ERICH1: variants seen among roughly 807,000 people sequenced by gnomAD.
ERICH1 encodes glutamate rich 1, also known as glutamate-rich protein 1.
A neutral mutation model predicts 39.6 loss-of-function variants in ERICH1; 56 were observed. The observed-to-expected ratio is 1.41, with a 90% CI of 1.14 to 1.77. ERICH1 has a LOEUF of 1.77. Among genes scored for constraint, ERICH1 ranks in the 40% most tolerant of loss-of-function variants. The pLI, the probability that ERICH1 is intolerant of heterozygous loss-of-function variation, is 0.00. For missense variants in ERICH1, 826 were observed against 575.4 expected (o/e 1.44, Z -4.45); for synonymous variants, 313 against 223.6 (o/e 1.40, Z -3.57).
intron 3 of ERICH1, among the ~76,000 whole-genome samples, chr8:636,471 C>A (rs562142306): frequency 1.3e-5 from 2 of 152,360 alleles, no homozygotes; most frequent in South Asian, 2.1e-4. Context: ...CCTTCCTCTC[C>A]CGACTTTAGC....
rs1031389223 is a variant in ERICH1 at position 715,553 on chromosome 8, G to A, written c.169+308C>T. 2.6e-5 allele frequency among the ~76,000 whole-genome samples: 4 copies of A among 152,232 alleles called. No homozygotes were observed. In the South Asian group the frequency reaches 6.2e-4, roughly 24 times the overall value. On this transcript the variant is annotated intron_variant, in intron 2 of 5. Coordinates refer to ENST00000262109, the MANE Select transcript of ERICH1 (RefSeq NM_207332.3). Reference sequence around the variant, plus strand: ...GGGCATGGTGTATGGTGGGGAAGGCGCCTGTCTTCCTCAGAGGACAGGAAG... The same window carrying A: ...GGGCATGGTGTATGGTGGGGAAGGCACCTGTCTTCCTCAGAGGACAGGAAG...
intron 3 of ERICH1, among the ~76,000 whole-genome samples, chr8:630,829 C>G (rs1797971342): frequency 6.7e-6 from 1 of 149,012 alleles, no homozygotes; most frequent in Non-Finnish European, 1.5e-5. Context: ...AGAGCTGACA[C>G]ACACCCTCCC....
chr8:727,084 C>G (rs575289267), intron 1 of ERICH1, among the ~76,000 whole-genome samples: 1 of 151,672 alleles, frequency 6.6e-6, no homozygotes, highest in African/African-American at 2.4e-5. Flanking sequence ...CATACACACA[C>G]GCACACCACA....
chr8:624,429 A>G (rs1285084006), intron 3 of ERICH1, among the ~76,000 whole-genome samples: 1 of 152,264 alleles, frequency 6.6e-6, no homozygotes, highest in Non-Finnish European at 1.5e-5. Context: ...ACCCAAGAGA[A>G]ACAAAAACAC....
At chr8:694,207 G>C (rs1461231127) in intron 2 of ERICH1, among the ~76,000 whole-genome samples, 3 of 152,160 alleles carry the variant, frequency 2.0e-5, no homozygotes, top group African/African-American at 7.2e-5. Flanking sequence ...TCTCTCGAGG[G>C]TAGGGTGCCG....
downstream of ERICH1, among the ~76,000 whole-genome samples, chr8:660,594 G>A (rs1030981331): frequency 7.2e-5 from 11 of 152,248 alleles, no homozygotes; most frequent in South Asian, 4.1e-4. Flanking sequence ...ACTGCGAGGC[G>A]GCAAATGGTG....
intron 3 of ERICH1, among the ~76,000 whole-genome samples, chr8:655,017 G>T (rs537576625): frequency 6.6e-6 from 1 of 152,200 alleles, no homozygotes; most frequent in Non-Finnish European, 1.5e-5. Context: ...ATTATCTTTA[G>T]TAACAAATTC....
intron 2 of ERICH1, among the ~76,000 whole-genome samples, chr8:707,175 C>T (rs1216568335): frequency 6.6e-6 from 1 of 151,390 alleles, no homozygotes; most frequent in Non-Finnish European, 1.5e-5. Flanking sequence ...AGAAATAAAC[C>T]CCACATCTGT....
Position 621,224 on chromosome 8 carries a change from G to T in ERICH1, c.977-5940C>A, listed in dbSNP as rs185645162. 3.2e-4 allele frequency among the ~76,000 whole-genome samples: 49 copies of T among 152,150 alleles called. No individual in the cohort carries two copies. The East Asian group carries it at 8.7e-3, about 27-fold the overall frequency. On this transcript the variant is annotated intron_variant, in intron 3 of 3. Transcript: ENST00000522706. ...AATTAGAAAAAAACTTGAGAAGGAT[G>T]AAAATAAAAGCACATCATGCCAATA...
At chr8:724,373 T>C (rs1180744546) in intron 1 of ERICH1, among the ~76,000 whole-genome samples, 2 of 152,212 alleles carry the variant, frequency 1.3e-5, no homozygotes, top group East Asian at 1.9e-4. Flanking sequence ...TTTCTCCTTG[T>C]AGTTTTTTAA....
At chr8:637,455 T>G (rs1226462826) in intron 3 of ERICH1, 3 of 152,286 alleles carry the variant, frequency 2.0e-5, no homozygotes, top group Non-Finnish European at 2.9e-5. Flanking sequence ...AGCTCGCCAC[T>G]CCTGGGGTGG....
intron 3 of ERICH1, among the ~76,000 whole-genome samples, chr8:627,562 TGGCCAG>T (rs1797663141): frequency 6.6e-6 from 1 of 152,166 alleles, no homozygotes; most frequent in Non-Finnish European, 1.5e-5. Flanking sequence ...CAGAACCATG[TGGCCAG>T]GGGGTAAGAA....
At chr8:725,162 TCTGCTGTCCCCTCCGGCTTCCGTGC>T (rs1213332751) in intron 1 of ERICH1, 53 of 187,688 alleles carry the variant, frequency 2.8e-4, no homozygotes, top group South Asian at 3.8e-4. Context: ...CGGCTTCCTG[TCTGCTGTCCCCTCCGGCTTCCGTGC>T]CTGCTGTCCC....
chr8:684,428 G>A (rs1053067991), intron 3 of ERICH1, among the ~76,000 whole-genome samples: 1 of 149,884 alleles, frequency 6.7e-6, no homozygotes, highest in Non-Finnish European at 1.5e-5. Context: ...GTTAAAATGA[G>A]GTTATATTTG....
At chr8:690,031 G>A (rs1221053328) in intron 3 of ERICH1, among the ~76,000 whole-genome samples, 1 of 152,184 alleles carries the variant, frequency 6.6e-6, no homozygotes, top group Non-Finnish European at 1.5e-5. Flanking sequence ...GGGTTGTTCT[G>A]TCACTAACAG....
chr8:626,665 C>T (rs566144960), intron 3 of ERICH1: 11 of 160,624 alleles, frequency 6.8e-5, no homozygotes, highest in South Asian at 1.8e-4. Context: ...CTGTGGCTGA[C>T]GGCCTGCCCA....
intron 5 of ERICH1, chr8:667,466 G>A (rs1212218741): frequency 6.5e-6 from 1 of 152,864 alleles, no homozygotes; most frequent in Non-Finnish European, 1.5e-5. Context: ...GCAGCTCTAT[G>A]ACGCATCTCA....
At chr8:688,488 T>G (rs940566480) in intron 3 of ERICH1, among the ~76,000 whole-genome samples, 1 of 151,620 alleles carries the variant, frequency 6.6e-6, no homozygotes, top group Non-Finnish European at 1.5e-5. Context: ...TAGGGTCAGC[T>G]CCTACAACGC....
chr8:641,680 C>G (rs1290498954), intron 3 of ERICH1, among the ~76,000 whole-genome samples: 1 of 152,242 alleles, frequency 6.6e-6, no homozygotes, highest in Non-Finnish European at 1.5e-5. Context: ...GGCCGTCACG[C>G]CTGGGTACGC....
Sources: allele counts gnomAD v4.1 joint callset (sites outside exome capture counted in the v4.1 genomes callset), GRCh38; gene constraint gnomAD v4.1.1; transcripts MANE v1.5; gene names NCBI Gene and HGNC (gene_info 2026-07-23, HGNC 2026-07-21).